Variants in EPHA5 observed in about 807,000 individuals in gnomAD.
The protein encoded by EPHA5 is ephrin type-A receptor 5.
In EPHA5, 60 loss-of-function variants were observed where a neutral mutation model predicts 105.0. The ratio of observed to expected loss-of-function variants is 0.57; its 90% CI spans 0.46 to 0.71. The LOEUF is 0.71. Ranked by LOEUF, EPHA5 falls within the 30% of genes least tolerant of loss-of-function variation. The pLI is 0.00. For missense variants in EPHA5, 1,218 were observed against 1,274.7 expected (o/e 0.96, Z 0.68); for synonymous variants, 513 against 449.1 (o/e 1.14, Z -1.80).
intron 2 of EPHA5, among the ~76,000 whole-genome samples, chr4:65,616,278 T>G (rs547083650): frequency 6.6e-6 from 1 of 152,024 alleles, no homozygotes; most frequent in Non-Finnish European, 1.5e-5. Context: ...AAGTTAGATC[T>G]GCGGATGAGG....
chr4:65,532,902 G>A (rs372476975), intron 3 of EPHA5, among the ~76,000 whole-genome samples: 4 of 152,028 alleles, frequency 2.6e-5, no homozygotes, highest in Non-Finnish European at 4.4e-5. Context: ...GTCATACACA[G>A]TTCATTCGCT....
intron 14 of EPHA5, among the ~76,000 whole-genome samples, chr4:65,343,298 T>C (rs1721911852): frequency 6.6e-6 from 1 of 152,136 alleles, no homozygotes; most frequent in Admixed American, 6.6e-5. Context: ...ACCTAAAATC[T>C]CCTTAGTTGT....
intron 5 of EPHA5, among the ~76,000 whole-genome samples, chr4:65,449,205 C>A (rs541816824): frequency 1.1e-4 from 16 of 152,184 alleles, no homozygotes; most frequent in African/African-American, 3.9e-4. Context: ...GTAGAATAAA[C>A]TCAAATGCCC....
intron 5 of EPHA5, among the ~76,000 whole-genome samples, chr4:65,478,046 A>G (rs1179739473): frequency 1.3e-5 from 2 of 152,216 alleles, no homozygotes; most frequent in Non-Finnish European, 2.9e-5. Context: ...TGAATTATAG[A>G]CATATTAATT....
intron 5 of EPHA5, among the ~76,000 whole-genome samples, chr4:65,460,248 A>G (rs1207563718): frequency 1.3e-5 from 2 of 151,596 alleles, no homozygotes; most frequent in Non-Finnish European, 3.0e-5. Context: ...TTTTAATATT[A>G]TATAGTCTCA....
At chr4:65,365,316 A>C in intron 10 of EPHA5, 114 bp from the exon 11 acceptor site, 1 of 814,610 alleles carries the variant, frequency 1.2e-6, no homozygotes, top group Non-Finnish European at 1.9e-6. Flanking sequence ...CAAACAAACA[A>C]ACAAACAAAC....
At chr4:65,517,345 C>T (rs1339836889) in intron 3 of EPHA5, among the ~76,000 whole-genome samples, 1 of 151,548 alleles carries the variant, frequency 6.6e-6, no homozygotes, top group Non-Finnish European at 1.5e-5. Context: ...TGTTTTCAAC[C>T]CATCTGTGTC....
intron 3 of EPHA5, among the ~76,000 whole-genome samples, chr4:65,506,372 G>A (rs1042140378): frequency 6.8e-6 from 1 of 146,648 alleles, no homozygotes; most frequent in Admixed American, 6.8e-5. Flanking sequence ...CCCAGTAATG[G>A]GATGGCTGGG....
At chr4:65,527,843 C>T (rs2149294439) in intron 3 of EPHA5, among the ~76,000 whole-genome samples, 2 of 152,140 alleles carry the variant, frequency 1.3e-5, no homozygotes, top group South Asian at 4.1e-4. Context: ...TCCCTCCTCC[C>T]ATTCTCCACT....
intron 3 of EPHA5, among the ~76,000 whole-genome samples, chr4:65,501,356 C>G (rs919250076): frequency 1.5e-4 from 23 of 151,396 alleles, no homozygotes; most frequent in Admixed American, 9.9e-4. Flanking sequence ...ACTTAGAAAA[C>G]CCTAGAAACT....
chr4:65,528,568 G>A (rs1252877641), intron 3 of EPHA5, among the ~76,000 whole-genome samples: 1 of 152,018 alleles, frequency 6.6e-6, no homozygotes, highest in African/African-American at 2.4e-5. Flanking sequence ...TTTAATTCAC[G>A]AATTTCCAAG....
chr4:65,367,019 T>C (rs1392045419), intron 9 of EPHA5, among the ~76,000 whole-genome samples: 1 of 151,832 alleles, frequency 6.6e-6, no homozygotes, highest in Non-Finnish European at 1.5e-5. Flanking sequence ...TGCTACTTAT[T>C]GATAGATTTC....
At chr4:65,397,578 T>G (rs931368808) in intron 8 of EPHA5, among the ~76,000 whole-genome samples, 1 of 151,816 alleles carries the variant, frequency 6.6e-6, no homozygotes, top group African/African-American at 2.4e-5. Flanking sequence ...CACAACATTC[T>G]TTTTCAAAAT....
intron 7 of EPHA5, 35 bp from the exon 8 acceptor site, chr4:65,404,514 A>G (rs1241388762): frequency 3.1e-6 from 5 of 1,590,878 alleles, no homozygotes; most frequent in Non-Finnish European, 4.3e-6. Flanking sequence ...GCTTGTGGTT[A>G]AAGTGATCAC....
At chr4:65,571,694 C>T (rs1325975836) in intron 3 of EPHA5, among the ~76,000 whole-genome samples, 1 of 151,940 alleles carries the variant, frequency 6.6e-6, no homozygotes, top group Non-Finnish European at 1.5e-5. Context: ...GTATGTTTTA[C>T]TTTTCAATAA....
chr4:65,405,244 T>A (rs1722248888), intron 7 of EPHA5, among the ~76,000 whole-genome samples: 1 of 148,808 alleles, frequency 6.7e-6, no homozygotes, highest in Admixed American at 6.9e-5. Flanking sequence ...AAATAAATTT[T>A]ATTTTTGTGC....
intron 15 of EPHA5, among the ~76,000 whole-genome samples, chr4:65,334,541 T>A (rs1720985041): frequency 6.6e-6 from 1 of 151,904 alleles, no homozygotes; most frequent in Non-Finnish European, 1.5e-5. Flanking sequence ...AGTCATCAAC[T>A]CTTGTGACAT....
chr4:65,501,569 G>T (rs972687431), intron 3 of EPHA5, among the ~76,000 whole-genome samples: 1 of 151,450 alleles, frequency 6.6e-6, no homozygotes, highest in East Asian at 1.9e-4. Context: ...ATATATACAA[G>T]AATAACTACA....
chr4:65,652,038 A>G (rs986280746), intron 1 of EPHA5, among the ~76,000 whole-genome samples: 2 of 152,296 alleles, frequency 1.3e-5, no homozygotes, highest in South Asian at 2.1e-4. Context: ...CCAAACTTGT[A>G]TAATCTTACA....
Sources: allele counts gnomAD v4.1 joint callset (sites outside exome capture counted in the v4.1 genomes callset), GRCh38; gene constraint gnomAD v4.1.1; transcripts MANE v1.5; gene names NCBI Gene and HGNC (gene_info 2026-07-23, HGNC 2026-07-21).